The following JMJD1C variants were observed in gnomAD, a reference collection of about 807,000 sequenced individuals.
JMJD1C encodes the protein jumonji domain containing 1C.
Under a neutral mutation model 245.3 loss-of-function variants are expected in JMJD1C, and 31 were observed. The observed-to-expected ratio is 0.13, with a 90% CI of 0.09 to 0.17. JMJD1C has a LOEUF of 0.17. JMJD1C is among the 10% of genes least tolerant of loss of function. The pLI is 1.00. For synonymous variants in JMJD1C, 1,057 were observed against 1,017.4 expected, an observed-to-expected ratio of 1.04 and a Z score of -0.74; for missense variants, 2,691 against 3,000.2, an observed-to-expected ratio of 0.90 and a Z score of 2.41.
chr10:63,449,231 T>A (rs1212461376), intron 1 of JMJD1C, among the ~76,000 whole-genome samples: 1 of 152,186 alleles, frequency 6.6e-6, no homozygotes, highest in Non-Finnish European at 1.5e-5. Context: ...GAATGAGAAA[T>A]TTTTTGTTAC....
At position 63,292,586 on chromosome 10, in the gene JMJD1C, G is replaced by A. The variant is rs150425937; in HGVS notation, c.334-27822C>T. Reference sequence around the variant, plus strand: ...AGATCACGCCACTGCACTCCACCCTGGATGACAGAGCAAGACTCTGTCTCA... The same window carrying A: ...AGATCACGCCACTGCACTCCACCCTAGATGACAGAGCAAGACTCTGTCTCA... On this transcript the variant is annotated intron_variant, in intron 2 of 25. Coordinates refer to ENST00000399262, the MANE Select transcript of JMJD1C (RefSeq NM_032776.3). 7.7e-3 allele frequency among the ~76,000 whole-genome samples: 1,155 copies of A among 150,906 alleles called. 5 individuals carry two copies. Among genetic ancestry groups the A allele is most frequent in the Middle Eastern group, 0.017 (5 of 286 alleles).
At chr10:63,240,589 C>A (rs901392300) in intron 3 of JMJD1C, among the ~76,000 whole-genome samples, 3 of 152,046 alleles carry the variant, frequency 2.0e-5, no homozygotes. Context: ...ATAGATATAA[C>A]GGTTCACATT....
intron 1 of JMJD1C, among the ~76,000 whole-genome samples, chr10:63,501,092 A>T (rs1954544847): frequency 6.6e-6 from 1 of 152,182 alleles, no homozygotes; most frequent in South Asian, 2.1e-4. Flanking sequence ...AGTCCTTAAG[A>T]GGTATGACCA....
upstream of JMJD1C, chr10:63,466,368 G>C (rs1953283500): frequency 6.5e-6 from 1 of 153,024 alleles, no homozygotes; most frequent in African/African-American, 2.4e-5. Flanking sequence ...CCCGCCGCCT[G>C]AGTTAGCCTG....
intron 2 of JMJD1C, among the ~76,000 whole-genome samples, chr10:63,310,005 T>G (rs940761694): frequency 6.6e-6 from 1 of 152,170 alleles, no homozygotes; most frequent in African/African-American, 2.4e-5. Context: ...TCACAATAAT[T>G]AGCTGTATTT....
chr10:63,312,171 G>T (rs1436059700), intron 2 of JMJD1C, among the ~76,000 whole-genome samples: 2 of 142,490 alleles, frequency 1.4e-5, no homozygotes, highest in African/African-American at 2.6e-5. Context: ...GCAATGGCAC[G>T]ATCTCGGCTC....
intron 2 of JMJD1C, among the ~76,000 whole-genome samples, chr10:63,342,894 G>A (rs1326621133): frequency 2.0e-5 from 3 of 151,992 alleles, no homozygotes; most frequent in Non-Finnish European, 4.4e-5. Flanking sequence ...TTACCTTCAG[G>A]TTATGTATAT....
intron 2 of JMJD1C, among the ~76,000 whole-genome samples, chr10:63,334,582 C>T (rs944814322): frequency 3.9e-5 from 6 of 152,008 alleles, no homozygotes; most frequent in African/African-American, 1.4e-4. Context: ...ATTAGCCAGG[C>T]GTGGTGGTAT....
chr10:63,168,105 T>C lies in JMJD1C; in HGVS notation c.7563A>G (p.Lys2521=). The C allele has an allele frequency of 6.2e-7, 1 of 1,605,644 alleles. No individual in the cohort carries two copies. The highest frequency in any genetic ancestry group is 8.5e-7 in the Non-Finnish European group (1 of 1,173,122). ...QVKNILYHAV[K]EMVRALKIHE... is the part of the protein sequence containing the mutation. ...GTATCTTCAAGGCTCTCACCATTTC[T>C]TTGACTGCATGATACAAAATATTTT... Residue 2521 remains lysine (K), a synonymous_variant, in exon 26 of 26, where the codon AAA becomes AAG. Coordinates refer to ENST00000399262, the MANE Select transcript of JMJD1C (RefSeq NM_032776.3).
chr10:63,491,153 A>T (rs1954162184), intron 1 of JMJD1C, among the ~76,000 whole-genome samples: 1 of 152,222 alleles, frequency 6.6e-6, no homozygotes, highest in African/African-American at 2.4e-5. Flanking sequence ...TGAAGATGGC[A>T]GATGGAGAAA....
At chr10:63,324,051 T>G (rs1941238281) in intron 2 of JMJD1C, among the ~76,000 whole-genome samples, 1 of 150,978 alleles carries the variant, frequency 6.6e-6, no homozygotes, top group Non-Finnish European at 1.5e-5. Context: ...TTTTTTTTTT[T>G]TTTTTCTATG....
At chr10:63,354,442 A>G (rs1944630201) in intron 2 of JMJD1C, among the ~76,000 whole-genome samples, 1 of 152,010 alleles carries the variant, frequency 6.6e-6, no homozygotes, top group African/African-American at 2.4e-5. Context: ...CTTATTAATC[A>G]TTTCTTCATT....
chr10:63,294,103 C>T (rs992139243), intron 2 of JMJD1C, among the ~76,000 whole-genome samples: 2 of 152,130 alleles, frequency 1.3e-5, no homozygotes, highest in Non-Finnish European at 2.9e-5. Flanking sequence ...TCCTAATCAT[C>T]TTCACCTTGC....
At chr10:63,223,269 C>T (rs1351493395) in intron 3 of JMJD1C, among the ~76,000 whole-genome samples, 1 of 148,092 alleles carries the variant, frequency 6.8e-6, no homozygotes, top group African/African-American at 2.5e-5. Flanking sequence ...CTCACTCTCC[C>T]AGCCCGTAGT....
intron 1 of JMJD1C, among the ~76,000 whole-genome samples, chr10:63,440,598 C>T (rs149587452): frequency 4.4e-4 from 67 of 151,998 alleles, no homozygotes; most frequent in Admixed American, 1.1e-3. Context: ...TAATGGTAGC[C>T]TTTATAAAAA....
chr10:63,259,019 C>T (rs957151561), intron 3 of JMJD1C, among the ~76,000 whole-genome samples: 1 of 152,136 alleles, frequency 6.6e-6, no homozygotes, highest in Admixed American at 6.6e-5. Flanking sequence ...AGAAATGTTA[C>T]ATTTTTAAAA....
At chr10:63,464,624 CATA>C (rs950193459) in intron 1 of JMJD1C, among the ~76,000 whole-genome samples, 14 of 151,756 alleles carry the variant, frequency 9.2e-5, no homozygotes, top group African/African-American at 3.1e-4. Context: ...CACAACAGAG[CATA>C]TTACAGCTCA....
intron 1 of JMJD1C, among the ~76,000 whole-genome samples, chr10:63,500,048 TA>T (rs1033206757): frequency 1.3e-5 from 2 of 152,222 alleles, no homozygotes; most frequent in African/African-American, 4.8e-5. Context: ...AAGGTCTTAC[TA>T]GGGGTAAATG....
chr10:63,271,168 CT>C (rs896941052), intron 2 of JMJD1C, among the ~76,000 whole-genome samples: 1 of 151,692 alleles, frequency 6.6e-6, no homozygotes, highest in Non-Finnish European at 1.5e-5. Context: ...TGTAAATAGT[CT>C]TTTTTTTCTT....
Sources: allele counts gnomAD v4.1 joint callset (sites outside exome capture counted in the v4.1 genomes callset), GRCh38; gene constraint gnomAD v4.1.1; transcripts MANE v1.5; gene names NCBI Gene and HGNC (gene_info 2026-07-23, HGNC 2026-07-21).